Variants in SEC24A observed in about 807,000 individuals in gnomAD.
The protein encoded by SEC24A is protein transport protein Sec24A.
Under a neutral mutation model 129.4 loss-of-function variants are expected in SEC24A, and 93 were observed. The observed-to-expected ratio is 0.72, with a 90% CI of 0.61 to 0.85. The LOEUF (loss-of-function observed/expected upper bound fraction) is 0.85, where lower values mean the gene tolerates loss of function less well. Among genes scored for constraint, SEC24A ranks in the 40% least tolerant of loss-of-function variants. SEC24A has a pLI of 0.00. For missense variants in SEC24A, 1,264 were observed against 1,307.4 expected (o/e 0.97, Z 0.51); for synonymous variants, 460 against 467.3 (o/e 0.98, Z 0.20).
intron 19 of SEC24A, 62 bp from the exon 20 acceptor site, chr5:134,718,007 G>A: frequency 2.4e-6 from 3 of 1,273,078 alleles, no homozygotes; most frequent in Non-Finnish European, 3.4e-6. Context: ...TTTTGTTGTT[G>A]TTTAACTGTG....
At chr5:134,678,738 C>T (rs1365880541) in intron 7 of SEC24A, among the ~76,000 whole-genome samples, 3 of 152,232 alleles carry the variant, frequency 2.0e-5, no homozygotes, top group Non-Finnish European at 2.9e-5. Flanking sequence ...CCTGCCACTA[C>T]GCCTAGCTAA....
chr5:134,704,019 C>T (rs1752081164), intron 16 of SEC24A, 87 bp downstream of exon 16: 4 of 769,436 alleles, frequency 5.2e-6, no homozygotes, highest in Middle Eastern at 4.0e-4. Context: ...ATACATGTAG[C>T]ATATCTTATG....
At chr5:134,683,680 AT>A (rs1467348573) in intron 9 of SEC24A, among the ~76,000 whole-genome samples, 1 of 152,120 alleles carries the variant, frequency 6.6e-6, no homozygotes, top group Non-Finnish European at 1.5e-5. Context: ...TGCCCTGCTA[AT>A]TTTTTAAAAG....
At chr5:134,651,641 A>T (rs1325977284) in intron 1 of SEC24A, among the ~76,000 whole-genome samples, 2 of 151,526 alleles carry the variant, frequency 1.3e-5, no homozygotes, top group Non-Finnish European at 2.9e-5. Context: ...TTTTATATAT[A>T]TTTTGTAGAG....
At position 134,673,611 on chromosome 5, in the gene SEC24A, C is replaced by T. The variant is rs184462103; in HGVS notation, c.818-1004C>T. ...TAGCTGGAACTACAGGCACATGCCA[C>T]CACATCTGGGTAATTTTTGTACTTT... On this transcript the variant is annotated intron_variant, in intron 4 of 22. Transcript: ENST00000398844. Among the ~76,000 whole-genome samples, 199 of 152,110 alleles carry T rather than the reference C, an allele frequency of 1.3e-3. 2 individuals carry two copies. The Middle Eastern group carries it at 0.031, about 23-fold the overall frequency.
At position 134,679,482 on chromosome 5, in the gene SEC24A, C is replaced by G. The variant is rs1751185415; in HGVS notation, c.1255-120C>G. ...TGGCAGTTTAGATACATCTTGTACT[C>G]TAAGTTTTCTCTAAAATGATAATAT... On this transcript the variant is annotated intron_variant, in intron 7 of 22. Coordinates refer to ENST00000398844, the MANE Select transcript of SEC24A (RefSeq NM_021982.3). 4 of 595,856 alleles carry G rather than the reference C, an allele frequency of 6.7e-6. No individual in the cohort carries two copies. In the East Asian group the frequency reaches 1.2e-4, roughly 17 times the overall value. 36.9% of individuals were successfully genotyped at this position (595,856 alleles called of 1,614,324 possible).
At chr5:134,660,886 A>G (rs1162911342) in intron 1 of SEC24A, among the ~76,000 whole-genome samples, 3 of 152,098 alleles carry the variant, frequency 2.0e-5, no homozygotes, top group African/African-American at 7.2e-5. Flanking sequence ...CATTTCTGTT[A>G]TGACTAATTA....
At chr5:134,712,626 AT>A (rs572753444) in intron 18 of SEC24A, among the ~76,000 whole-genome samples, 51 of 148,494 alleles carry the variant, frequency 3.4e-4, no homozygotes, top group Admixed American at 2.8e-3. Context: ...TAAATATTTA[AT>A]TTTTTTTTTG....
chr5:134,673,760 G>A (rs1047862492), intron 4 of SEC24A, among the ~76,000 whole-genome samples: 3 of 152,082 alleles, frequency 2.0e-5, no homozygotes, highest in African/African-American at 7.2e-5. Context: ...ACACCCAGCC[G>A]ACATGAAAGT....
chr5:134,692,708 A>G lies in SEC24A; in HGVS notation c.1779+51A>G, dbSNP rs117435059. ...TGTTTAATTGAAATATTGAAGGAAT[A>G]TGTTTTTGAAATGAACTTTAAGTAA... is the stretch of plus-strand genomic sequence containing the variant. On this transcript the variant is annotated intron_variant, in intron 12 of 22. Transcript: ENST00000398844. The G allele has an allele frequency of 1.8e-3, 1,908 of 1,066,162 alleles. 42 individuals are homozygous for G. The East Asian group carries it at 0.042, about 23-fold the overall frequency. 66.0% of individuals were successfully genotyped at this position (1,066,162 alleles called of 1,614,324 possible).
Position 134,674,649 on chromosome 5 carries a change from G to A in SEC24A, c.852G>A (p.Met284Ile), listed in dbSNP as rs1750990322. ...TPQLTNKNPK[M>I]SRSVGYSYPS... is the part of the protein sequence containing the mutation. Reference sequence around the variant, plus strand: ...AGCTTACTAACAAGAATCCCAAAATGAGCCGAAGTGTTGGATATTCATATC... The same window carrying A: ...AGCTTACTAACAAGAATCCCAAAATAAGCCGAAGTGTTGGATATTCATATC... The change falls in exon 5 of 23, where the codon ATG becomes ATA. Residue 284 changes from methionine to isoleucine, a missense_variant. Met to Ile is a conservative substitution (Grantham distance 10, BLOSUM62 1). Coordinates refer to ENST00000398844, the MANE Select transcript of SEC24A (RefSeq NM_021982.3). 1.2e-6 allele frequency: 2 copies of A among 1,613,632 alleles called. No homozygotes were observed. The highest frequency in any genetic ancestry group is 1.3e-5 in the African/African-American group (1 of 74,912).
At chr5:134,702,533 G>C (rs1212868521) in intron 15 of SEC24A, among the ~76,000 whole-genome samples, 1 of 151,900 alleles carries the variant, frequency 6.6e-6, no homozygotes, top group African/African-American at 2.4e-5. Context: ...TATATCACTT[G>C]GTATATACCG....
intron 3 of SEC24A, among the ~76,000 whole-genome samples, chr5:134,670,715 C>CA (rs1750825064): frequency 6.6e-6 from 1 of 152,062 alleles, no homozygotes; most frequent in Non-Finnish European, 1.5e-5. Flanking sequence ...AAGGGCTGGG[C>CA]ACGGTGGCTC....
intron 19 of SEC24A, chr5:134,715,667 T>C (rs558837822): frequency 6.5e-6 from 1 of 154,328 alleles, no homozygotes; most frequent in African/African-American, 2.4e-5. Flanking sequence ...GAGGGAAATA[T>C]CATACACTGG....
At chr5:134,723,705 A>T in intron 22 of SEC24A, 35 bp downstream of exon 22, 1 of 1,332,606 alleles carries the variant, frequency 7.5e-7, no homozygotes, top group Non-Finnish European at 1.1e-6. Flanking sequence ...GTAGTAAAAC[A>T]ATTTGTTTGG....
At chr5:134,715,185 GT>G in intron 19 of SEC24A, 24 bp downstream of exon 19, 1 of 1,596,950 alleles carries the variant, frequency 6.3e-7, no homozygotes, top group Non-Finnish European at 8.5e-7. Context: ...CTTTTTTGTG[GT>G]TTTACTTGAA....
chr5:134,688,245 G>A lies in SEC24A; in HGVS notation c.1669G>A (p.Gly557Ser), dbSNP rs556690440. The A allele has an allele frequency of 1.1e-5, 18 of 1,612,936 alleles. No individual in the cohort carries two copies. The East Asian group carries it at 1.3e-4, about 12-fold the overall frequency. ...ATTTGACAGTACAATCCATTTCTAC[G>A]GTCTTCAGGAAAGTCTCTCTCAACC... ...ITFDSTIHFY[G>S]LQESLSQPQM... Residue 557 changes from glycine to serine, a missense_variant, in exon 11 of 23, where the codon GGT becomes AGT. By Grantham distance (56) the Gly-to-Ser change is moderately conservative (BLOSUM62 0). Coordinates refer to ENST00000398844, the MANE Select transcript of SEC24A (RefSeq NM_021982.3).
rs746608891 is a variant in SEC24A, at chr5:134,725,049, A to G, written c.3237A>G (p.Ser1079=). 3 of 1,601,656 alleles carry G rather than the reference A, an allele frequency of 1.9e-6. No homozygotes were observed. The highest frequency in any genetic ancestry group is 2.6e-6 in the Non-Finnish European group (3 of 1,169,870). ...AAGACAGAACAGAATCTGCATTATC[A>G]TATTATGAATTCCTGTTGCATATAC... ...MIEDRTESAL[S]YYEFLLHIQQ... is the part of the protein sequence containing the mutation. The change falls in exon 23 of 23, where the codon TCA becomes TCG. Residue 1079 remains serine, a synonymous_variant. Coordinates refer to ENST00000398844, the MANE Select transcript of SEC24A (RefSeq NM_021982.3).
At chr5:134,661,047 A>G in intron 1 of SEC24A, 72 bp from the exon 2 acceptor site, 1 of 1,063,372 alleles carries the variant, frequency 9.4e-7, no homozygotes, top group South Asian at 1.6e-5. Flanking sequence ...GTAAGAATAT[A>G]TGTTTTACTT....
Sources: gnomAD v4.1 joint callset for allele counts (sites outside exome capture counted in the v4.1 genomes callset) on GRCh38, gnomAD v4.1.1 for gene constraint, MANE v1.5 for transcripts, NCBI Gene and HGNC (gene_info 2026-07-23, HGNC 2026-07-21) for gene names.